LRRFIP2: variants seen among roughly 807,000 people sequenced by gnomAD.
The protein encoded by LRRFIP2 is leucine-rich repeat flightless-interacting protein 2.
A neutral mutation model predicts 125.9 loss-of-function variants in LRRFIP2; 109 were observed. The observed-to-expected ratio is 0.87, with a 90% confidence interval of 0.74 to 1.01. The LOEUF is 1.01. LRRFIP2 is among the 50% of genes least tolerant of loss of function. LRRFIP2 has a pLI of 0.00. For synonymous variants in LRRFIP2, 291 were observed against 293.1 expected, an observed-to-expected ratio of 0.99 and a Z score of 0.07; for missense variants, 850 against 862.3, an observed-to-expected ratio of 0.99 and a Z score of 0.18.
chr3:37,151,132 GC>G (rs2096010419), intron 1 of LRRFIP2, among the ~76,000 whole-genome samples: 1 of 152,196 alleles, frequency 6.6e-6, no homozygotes, highest in Non-Finnish European at 1.5e-5. Context: ...GCCAAGGCGG[GC>G]AAATCACAGG....
At chr3:37,064,570 G>A (rs183030310) in intron 23 of LRRFIP2, 8 of 142,940 alleles carry the variant, frequency 5.6e-5, no homozygotes, top group African/African-American at 1.3e-4. Flanking sequence ...CTGGGCGACC[G>A]AGTGAGACTT....
chr3:37,102,648 G>A lies in LRRFIP2; in HGVS notation c.873+276C>T, dbSNP rs183631765. On this transcript the variant is annotated intron_variant, in intron 15 of 27. Coordinates refer to ENST00000336686, the MANE Select transcript of LRRFIP2 (RefSeq NM_006309.4). ...AGAGTAGCTGGGATTACAGGTGTGC[G>A]CCCCCACACCCAGCTAATTTTTTTT... 5.9e-5 allele frequency among the ~76,000 whole-genome samples: 9 copies of A among 151,494 alleles called. No homozygotes were observed. The East Asian group carries it at 9.7e-4, about 16-fold the overall frequency.
At chr3:37,164,419 C>T (rs1010417081) in intron 1 of LRRFIP2, among the ~76,000 whole-genome samples, 5 of 152,078 alleles carry the variant, frequency 3.3e-5, no homozygotes, top group African/African-American at 9.7e-5. Context: ...ATTTTTTAAA[C>T]AAAAATTGGT....
At chr3:37,128,615 C>G (rs1421999717) in intron 3 of LRRFIP2, among the ~76,000 whole-genome samples, 2 of 152,052 alleles carry the variant, frequency 1.3e-5, no homozygotes, top group Non-Finnish European at 2.9e-5. Context: ...TGGGGTCCTA[C>G]AAATTTTATT....
In LRRFIP2 at chr3:37,171,051, G is replaced by T. The variant is rs547753462; in HGVS notation, c.-56+3488C>A. ...TTCATACCACTGGACTCCAGCGTGG[G>T]CATCAGAGTGAGACCCTGTCTCAAA... is the stretch of plus-strand genomic sequence containing the variant. On this transcript the variant is annotated intron_variant, in intron 1 of 27. Coordinates refer to ENST00000336686, the MANE Select transcript of LRRFIP2 (RefSeq NM_006309.4). The T allele has an allele frequency of 2.0e-5, 3 of 152,398 alleles. No individual in the cohort carries two copies. The East Asian group carries it at 5.8e-4, about 29-fold the overall frequency. The allele number at this position is 152,398 out of a possible 1,614,324, so 9.4% of individuals were successfully genotyped here. A position where few individuals can be genotyped will look rare whatever the true frequency, so the allele number is the denominator to read the frequency against.
chr3:37,055,263 C>T, intron 25 of LRRFIP2, 98 bp from the exon 26 acceptor site: 1 of 691,372 alleles, frequency 1.4e-6, no homozygotes, highest in Non-Finnish European at 2.4e-6. Flanking sequence ...ACCATGCAGT[C>T]TTAAGATTAC....
intron 18 of LRRFIP2, 120 bp from the exon 19 acceptor site, chr3:37,083,926 G>C (rs1015905371): frequency 4.5e-5 from 32 of 716,196 alleles, no homozygotes; most frequent in Non-Finnish European, 2.2e-5. Context: ...AAATACAAGC[G>C]GTTTGGGGAA....
rs1447746640 is a variant in LRRFIP2 at position 37,155,868 on chromosome 3, T to C, written c.-55-6830A>G. Among the ~76,000 whole-genome samples, 7 of 152,150 alleles carry C rather than the reference T, an allele frequency of 4.6e-5. No individual in the cohort carries two copies. In the South Asian group the frequency reaches 1.4e-3, roughly 32 times the overall value. On this transcript the variant is annotated intron_variant, in intron 1 of 27. Coordinates refer to ENST00000336686, the MANE Select transcript of LRRFIP2 (RefSeq NM_006309.4). ...GCACAACTCTTTCAATTTTTCTGTA[T>C]GTTTAAAAAAAGTTTTTTTTTGGAG...
intron 1 of LRRFIP2, among the ~76,000 whole-genome samples, chr3:37,157,628 G>A (rs1383830116): frequency 2.6e-5 from 4 of 152,102 alleles, no homozygotes; most frequent in African/African-American, 7.2e-5. Context: ...AAATGAGATC[G>A]TTACATAAAA....
chr3:37,066,107 G>T (rs994661270), intron 22 of LRRFIP2, 117 bp downstream of exon 22: 13 of 1,308,014 alleles, frequency 9.9e-6, no homozygotes, highest in Non-Finnish European at 1.4e-5. Context: ...ACCAAATCTG[G>T]ATTAGAGAAT....
chr3:37,083,644 T>C lies in LRRFIP2; in HGVS notation c.1270A>G (p.Lys424Glu), dbSNP rs2092816353. ...MAEFYRENEE[K>E]SKELERQKHM... is the part of the protein sequence containing the mutation. ...TACAAGATAAGCATTACCTTTGATT[T>C]TTCTTCATTTTCTCTATAAAATTCT... Residue 424 changes from lysine to glutamate, a missense_variant, in exon 19 of 28, where the codon AAA (lysine) becomes GAA (glutamate). Coordinates refer to ENST00000336686, the MANE Select transcript of LRRFIP2 (RefSeq NM_006309.4). The C allele has an allele frequency of 5.1e-6, 8 of 1,557,312 alleles. No homozygotes were observed. The highest frequency in any genetic ancestry group is 6.0e-6 in the Non-Finnish European group (7 of 1,161,012).
At chr3:37,152,545 G>A (rs1293687915) in intron 1 of LRRFIP2, among the ~76,000 whole-genome samples, 9 of 152,140 alleles carry the variant, frequency 5.9e-5, no homozygotes, top group African/African-American at 2.2e-4. Flanking sequence ...CCGGGTTCAA[G>A]TGATTCTCCT....
chr3:37,145,519 C>A (rs929093841), intron 2 of LRRFIP2, among the ~76,000 whole-genome samples: 2 of 152,162 alleles, frequency 1.3e-5, no homozygotes, highest in Non-Finnish European at 2.9e-5. Flanking sequence ...CTGTAAGTCT[C>A]CAAAGCCCAC....
At chr3:37,099,950 A>G (rs914361943) in intron 15 of LRRFIP2, among the ~76,000 whole-genome samples, 13 of 152,174 alleles carry the variant, frequency 8.5e-5, no homozygotes, top group Non-Finnish European at 1.8e-4. Flanking sequence ...AAAAATCATA[A>G]TATTTCATGT....
chr3:37,085,160 T>C (rs752783255), intron 18 of LRRFIP2, among the ~76,000 whole-genome samples: 3 of 151,982 alleles, frequency 2.0e-5, no homozygotes, highest in Non-Finnish European at 2.9e-5. Context: ...TCAAAGAAAA[T>C]ATGGACAAAT....
intron 15 of LRRFIP2, 80 bp downstream of exon 15, chr3:37,102,844 T>C (rs1053190341): frequency 1.4e-5 from 13 of 955,366 alleles, no homozygotes; most frequent in Non-Finnish European, 2.0e-5. Context: ...TTCCCACTTT[T>C]ATTATAAAAT....
intron 17 of LRRFIP2, among the ~76,000 whole-genome samples, chr3:37,092,478 A>T (rs2093499608): frequency 1.3e-5 from 2 of 152,208 alleles, no homozygotes; most frequent in Non-Finnish European, 2.9e-5. Context: ...AGATGGTAGG[A>T]TACAAAAATA....
intron 15 of LRRFIP2, among the ~76,000 whole-genome samples, chr3:37,102,172 T>A (rs2094095710): frequency 1.3e-5 from 2 of 152,214 alleles, no homozygotes; most frequent in African/African-American, 4.8e-5. Flanking sequence ...TAGATGATAC[T>A]AAGGAATTAC....
rs1279784452 is a variant in LRRFIP2 at position 37,148,974 on chromosome 3, GA to G, written c.9del (p.Pro4LeufsTer10). 6.2e-7 allele frequency: 1 copy of G among 1,613,942 alleles called. No homozygotes were observed. Among genetic ancestry groups the G allele is most frequent in the South Asian group, 1.1e-5 (1 of 91,066 alleles). ...GGTGTTCTTTTCCTTCCAGAAGCAG[GA>G]GTCCCCATCTTGTGTTCTTAATAGT... MG[T>X]PASGRKRTPV... On this transcript the variant is annotated frameshift_variant, in exon 2 of 28. Coordinates refer to ENST00000336686, the MANE Select transcript of LRRFIP2 (RefSeq NM_006309.4). LOFTEE classifies it high-confidence loss of function.
Sources: allele counts gnomAD v4.1 joint callset (sites outside exome capture counted in the v4.1 genomes callset), GRCh38; gene constraint gnomAD v4.1.1; transcripts MANE v1.5; gene names NCBI Gene and HGNC (gene_info 2026-07-23, HGNC 2026-07-21).